GRIA1: variants seen among roughly 807,000 people sequenced by gnomAD.
GRIA1 encodes glutamate ionotropic receptor AMPA type subunit 1, also known as glutamate receptor 1.
Under a neutral mutation model 99.2 loss-of-function variants are expected in GRIA1, and 31 were observed. That is an observed-to-expected ratio of 0.31 (90% CI 0.23 to 0.42). The LOEUF (loss-of-function observed/expected upper bound fraction) is 0.42, where lower values mean the gene tolerates loss of function less well. Ranked by LOEUF, GRIA1 falls within the 10% of genes least tolerant of loss-of-function variation. GRIA1 has a pLI of 1.00. For synonymous variants in GRIA1, 438 were observed against 432.4 expected (o/e 1.01, Z -0.16); for missense variants, 782 against 1,157.5 (o/e 0.68, Z 4.71).
chr5:153,577,147 TGGATGGTTGGATGGA>T, intron 2 of GRIA1, among the ~76,000 whole-genome samples: 1 of 82,554 alleles, frequency 1.2e-5, no homozygotes, highest in East Asian at 4.1e-4. Flanking sequence ...GATGGATGGA[TGGATGGTTGGATGGA>T]TGGATGGATG....
At chr5:153,692,915 A>T (rs1050072898) in intron 8 of GRIA1, among the ~76,000 whole-genome samples, 3 of 152,208 alleles carry the variant, frequency 2.0e-5, no homozygotes, top group Admixed American at 6.5e-5. Flanking sequence ...AAATGCCTGC[A>T]AATTTAATAA....
chr5:153,548,692 A>G (rs998782514), intron 2 of GRIA1, among the ~76,000 whole-genome samples: 3 of 152,218 alleles, frequency 2.0e-5, no homozygotes, highest in African/African-American at 7.2e-5. Context: ...TTATCATGGG[A>G]AACTATAAAA....
chr5:153,492,844 G>A (rs1056727871), intron 1 of GRIA1, among the ~76,000 whole-genome samples: 1 of 152,056 alleles, frequency 6.6e-6, no homozygotes, highest in Non-Finnish European at 1.5e-5. Flanking sequence ...AAATATCACT[G>A]CCATCAGGTA....
chr5:153,801,968 G>T (rs564310429), intron 14 of GRIA1, among the ~76,000 whole-genome samples: 1 of 143,280 alleles, frequency 7.0e-6, no homozygotes, highest in Non-Finnish European at 1.5e-5. Context: ...GGGGCGGGGG[G>T]CAGGAATGGA....
At chr5:153,500,645 A>G (rs1053580342) in intron 2 of GRIA1, among the ~76,000 whole-genome samples, 1 of 150,202 alleles carries the variant, frequency 6.7e-6, no homozygotes, top group African/African-American at 2.5e-5. Context: ...ACACACACAC[A>G]CACACACACA....
At chr5:153,678,475 G>A (rs1161666242) in intron 7 of GRIA1, among the ~76,000 whole-genome samples, 1 of 152,106 alleles carries the variant, frequency 6.6e-6, no homozygotes, top group Admixed American at 6.5e-5. Flanking sequence ...CCTGGTCCCT[G>A]TGCAGGGTGG....
intron 2 of GRIA1, among the ~76,000 whole-genome samples, chr5:153,534,522 A>G (rs1397534706): frequency 6.6e-6 from 1 of 152,248 alleles, no homozygotes; most frequent in Non-Finnish European, 1.5e-5. Flanking sequence ...TTCATTTCAT[A>G]AACCCCTCCA....
chr5:153,554,619 AAGTAG>A (rs1354356251), intron 2 of GRIA1, among the ~76,000 whole-genome samples: 59 of 152,044 alleles, frequency 3.9e-4, no homozygotes, highest in Admixed American at 3.9e-3. Flanking sequence ...TCAGCCTCCC[AAGTAG>A]CTGGGATTAC....
rs4958677 is a variant in GRIA1, at chr5:153,794,367, T to C, written c.2271-254T>C. 3.1e-4 allele frequency among the ~76,000 whole-genome samples: 47 copies of C among 152,208 alleles called. 1 individual carries two copies. The highest frequency in any genetic ancestry group is 3.3e-4 in the Admixed American group (5 of 15,284). ...CAGGAGGGGAAAACTATTGGGGCCA[T>C]TGCTTTCAAAATACCCAACTTCTGA... On this transcript the variant is annotated intron_variant, in intron 13 of 15. Coordinates refer to ENST00000285900, the MANE Select transcript of GRIA1 (RefSeq NM_000827.4).
At chr5:153,689,322 T>C (rs1423030020) in intron 8 of GRIA1, among the ~76,000 whole-genome samples, 1 of 152,198 alleles carries the variant, frequency 6.6e-6, no homozygotes. Flanking sequence ...TTGTTGACCA[T>C]AGACCTGGGC....
At chr5:153,612,226 T>C (rs748580062) in intron 2 of GRIA1, among the ~76,000 whole-genome samples, 29 of 152,214 alleles carry the variant, frequency 1.9e-4, no homozygotes, top group Non-Finnish European at 4.0e-4. Flanking sequence ...ATAGGAGTGC[T>C]GAGAAGGGAT....
intron 11 of GRIA1, among the ~76,000 whole-genome samples, chr5:153,763,882 T>C (rs1459443808): frequency 6.6e-6 from 1 of 152,250 alleles, no homozygotes; most frequent in Non-Finnish European, 1.5e-5. Flanking sequence ...TTCCCCACAA[T>C]GGTTGGACTA....
intron 2 of GRIA1, among the ~76,000 whole-genome samples, chr5:153,568,444 C>T (rs879428297): frequency 1.3e-5 from 2 of 152,066 alleles, no homozygotes; most frequent in Non-Finnish European, 2.9e-5. Flanking sequence ...GCTTGAGAAG[C>T]ACTGATCTAG....
intron 2 of GRIA1, among the ~76,000 whole-genome samples, chr5:153,559,501 T>A (rs1232445134): frequency 6.6e-6 from 1 of 152,228 alleles, no homozygotes; most frequent in Non-Finnish European, 1.5e-5. Flanking sequence ...ACTCAAGGCC[T>A]TAGAGATCTT....
rs189768560 is a variant in GRIA1, at chr5:153,512,298, G to A, written c.220+18233G>A. Reference sequence around the variant, plus strand: ...TACCTTGAGTGATTGGACTTTACACGCAGGTAATAGGAATAATAGTGTCAT... The same window carrying A: ...TACCTTGAGTGATTGGACTTTACACACAGGTAATAGGAATAATAGTGTCAT... On this transcript the variant is annotated intron_variant, in intron 2 of 15. Coordinates refer to ENST00000285900, the MANE Select transcript of GRIA1 (RefSeq NM_000827.4). Among the ~76,000 whole-genome samples the A allele has an allele frequency of 1.2e-4, 18 of 152,252 alleles. No individual in the cohort carries two copies. The East Asian group carries it at 1.9e-3, about 16-fold the overall frequency.
chr5:153,808,096 T>G (rs1766561983), intron 15 of GRIA1, among the ~76,000 whole-genome samples: 1 of 152,248 alleles, frequency 6.6e-6, no homozygotes, highest in African/African-American at 2.4e-5. Context: ...TTGATTAGGA[T>G]ATTCTATGTG....
intron 14 of GRIA1, 44 bp from the exon 15 acceptor site, chr5:153,802,312 T>C (rs1766094962): frequency 1.2e-6 from 2 of 1,603,960 alleles, no homozygotes; most frequent in Non-Finnish European, 1.7e-6. Flanking sequence ...CTTGACTCAC[T>C]TTATTCTTCC....
intron 11 of GRIA1, among the ~76,000 whole-genome samples, chr5:153,709,219 T>A (rs1014158709): frequency 1.3e-5 from 2 of 152,234 alleles, no homozygotes; most frequent in African/African-American, 4.8e-5. Context: ...AGCACTATGT[T>A]AGACACTCTG....
rs1177210795 is a variant in GRIA1 at position 153,791,265 on chromosome 5, T to G, written c.2271-3356T>G. The stretch of plus-strand genomic sequence containing the variant: ...TCCTGGGCAACATAGTGAGACCTCA[T>G]ATCTACCAAAAAAAAAAAAAAATTA... On this transcript the variant is annotated intron_variant, in intron 13 of 15. Coordinates refer to ENST00000285900, the MANE Select transcript of GRIA1 (RefSeq NM_000827.4). Among the ~76,000 whole-genome samples the G allele has an allele frequency of 3.5e-5, 5 of 144,576 alleles. 1 individual carries two copies. The South Asian group carries it at 1.1e-3, about 31-fold the overall frequency. 94.8% of individuals were successfully genotyped at this position (144,576 alleles called of 152,430 possible). A position where few individuals can be genotyped will look rare whatever the true frequency, so the allele number is the denominator to read the frequency against.
Sources: gnomAD v4.1 joint callset for allele counts (sites outside exome capture counted in the v4.1 genomes callset) on GRCh38, gnomAD v4.1.1 for gene constraint, MANE v1.5 for transcripts, NCBI Gene and HGNC (gene_info 2026-07-23, HGNC 2026-07-21) for gene names.